CCDC73: variants seen among roughly 807,000 people sequenced by gnomAD.
CCDC73 encodes coiled-coil domain-containing protein 73.
In CCDC73, 95 loss-of-function variants were observed where a neutral mutation model predicts 116.5. The ratio of observed to expected loss-of-function variants is 0.82; its 90% CI spans 0.69 to 0.97. The LOEUF (loss-of-function observed/expected upper bound fraction) is 0.97, where lower values mean the gene tolerates loss of function less well. CCDC73 is among the 50% of genes least tolerant of loss of function. CCDC73 has a pLI of 0.00. For missense variants in CCDC73, 1,066 were observed against 1,206.8 expected, an observed-to-expected ratio of 0.88 and a Z score of 1.73; for synonymous variants, 398 against 401.3, an observed-to-expected ratio of 0.99 and a Z score of 0.10.
chr11:32,813,324 T>C, the CCDC73 span, among the ~76,000 whole-genome samples: 2 of 152,214 alleles, frequency 1.3e-5, no homozygotes, highest in East Asian at 1.9e-4. Context: ...TGAAGTCTCT[T>C]TTTTTTTCTG....
chr11:32,657,481 GA>G (rs1180802577), intron 9 of CCDC73, among the ~76,000 whole-genome samples: 2 of 152,170 alleles, frequency 1.3e-5, no homozygotes, highest in East Asian at 1.9e-4. Flanking sequence ...GGGCCTTGAA[GA>G]ATGAGTAGTA....
At chr11:32,746,024 T>C (rs894730433) in intron 2 of CCDC73, among the ~76,000 whole-genome samples, 4 of 152,208 alleles carry the variant, frequency 2.6e-5, no homozygotes, top group Admixed American at 6.5e-5. Flanking sequence ...ATAGCATTGA[T>C]GGTCTTTACA....
chr11:32,700,759 T>C (rs1849804445), intron 5 of CCDC73, 32 bp downstream of exon 5: 6 of 1,098,952 alleles, frequency 5.5e-6, no homozygotes, highest in South Asian at 3.1e-5. Context: ...TACTTTTTAA[T>C]AGACAGAAAA....
intron 9 of CCDC73, among the ~76,000 whole-genome samples, chr11:32,674,394 TA>T (rs1418113820): frequency 4.6e-5 from 7 of 152,182 alleles, no homozygotes; most frequent in African/African-American, 1.7e-4. Flanking sequence ...AAGCCTTACC[TA>T]CTTCTTCCTC....
intron 3 of CCDC73, among the ~76,000 whole-genome samples, chr11:32,712,028 G>A (rs993123613): frequency 1.3e-4 from 20 of 152,148 alleles, no homozygotes; most frequent in Non-Finnish European, 2.2e-4. Flanking sequence ...TAGACTTCAT[G>A]ATACCTCATG....
chr11:32,798,916 G>GC (rs1554971665), upstream of CCDC73, among the ~76,000 whole-genome samples: 1 of 26,866 alleles, frequency 3.7e-5, no homozygotes, highest in South Asian at 1.6e-3. Context: ...TGTTTGTTTT[G>GC]GGGGGGGGCG....
chr11:32,820,126 T>C, the CCDC73 span, among the ~76,000 whole-genome samples: 1 of 152,232 alleles, frequency 6.6e-6, no homozygotes. Flanking sequence ...TGAAGTCAAC[T>C]TGTTATTTTT....
chr11:32,688,515 T>C (rs1856225797), intron 6 of CCDC73, among the ~76,000 whole-genome samples: 1 of 152,192 alleles, frequency 6.6e-6, no homozygotes, highest in Admixed American at 6.5e-5. Flanking sequence ...ATGGGACAAT[T>C]TGTGAAACTG....
At chr11:32,775,675 T>A (rs1009135842) in intron 1 of CCDC73, among the ~76,000 whole-genome samples, 2 of 152,164 alleles carry the variant, frequency 1.3e-5, no homozygotes, top group African/African-American at 4.8e-5. Flanking sequence ...GGGTACTTAG[T>A]TAGTGACCTC....
At chr11:32,692,311 T>A (rs1353225168) in intron 6 of CCDC73, among the ~76,000 whole-genome samples, 1 of 152,068 alleles carries the variant, frequency 6.6e-6, no homozygotes, top group Non-Finnish European at 1.5e-5. Context: ...TTTCCTTCTA[T>A]CTTTCTCCAG....
intron 6 of CCDC73, among the ~76,000 whole-genome samples, chr11:32,686,883 A>G (rs1036740930): frequency 6.6e-6 from 1 of 152,244 alleles, no homozygotes; most frequent in Non-Finnish European, 1.5e-5. Flanking sequence ...ATTGGTTAAT[A>G]TCACATATAG....
chr11:32,629,546 T>G (rs1356280203), intron 14 of CCDC73, among the ~76,000 whole-genome samples: 1 of 151,924 alleles, frequency 6.6e-6, no homozygotes, highest in Non-Finnish European at 1.5e-5. Context: ...ATTACAGGCA[T>G]GCGCCACCAC....
At chr11:32,810,960 A>G in the CCDC73 span, among the ~76,000 whole-genome samples, 16 of 152,018 alleles carry the variant, frequency 1.1e-4, no homozygotes, top group African/African-American at 3.6e-4. Flanking sequence ...GTGAAACCCC[A>G]TCTCTACTAA....
chr11:32,742,990 C>G (rs541379161), intron 2 of CCDC73, among the ~76,000 whole-genome samples: 105 of 152,102 alleles, frequency 6.9e-4, no homozygotes, highest in African/African-American at 2.3e-3. Flanking sequence ...ATTTCTGAGG[C>G]CTCCATTCTG....
intron 3 of CCDC73, among the ~76,000 whole-genome samples, chr11:32,717,291 T>G (rs1013161973): frequency 6.6e-6 from 1 of 152,252 alleles, no homozygotes; most frequent in Admixed American, 6.5e-5. Flanking sequence ...CTATCATAAA[T>G]GCTTCAATAC....
intron 1 of CCDC73, among the ~76,000 whole-genome samples, chr11:32,762,808 T>C (rs1850403518): frequency 6.6e-6 from 1 of 152,080 alleles, no homozygotes; most frequent in African/African-American, 2.4e-5. Context: ...GGCATCGCCT[T>C]ACCCAGGAAG....
the CCDC73 span, among the ~76,000 whole-genome samples, chr11:32,819,068 T>A: frequency 6.6e-6 from 1 of 152,182 alleles, no homozygotes; most frequent in East Asian, 1.9e-4. Flanking sequence ...GTAAATTTTG[T>A]TATGTAAATT....
chr11:32,818,543 T>G, the CCDC73 span, among the ~76,000 whole-genome samples: 1 of 152,232 alleles, frequency 6.6e-6, no homozygotes, highest in Admixed American at 6.5e-5. Context: ...GCCTGGCAGT[T>G]CCACTCCTAG....
chr11:32,616,760 T>C (rs1327405066), intron 14 of CCDC73, among the ~76,000 whole-genome samples: 2 of 152,178 alleles, frequency 1.3e-5, no homozygotes, highest in African/African-American at 4.8e-5. Context: ...TGGGATACAA[T>C]GATGAACAAA....
Sources: allele counts gnomAD v4.1 joint callset (sites outside exome capture counted in the v4.1 genomes callset), GRCh38; gene constraint gnomAD v4.1.1; transcripts MANE v1.5; gene names NCBI Gene and HGNC (gene_info 2026-07-23, HGNC 2026-07-21).